Variants in TOX2 observed in about 807,000 individuals in gnomAD.
The protein encoded by TOX2 is TOX high mobility group box family member 2.
A neutral mutation model predicts 47.4 loss-of-function variants in TOX2; 15 were observed. The observed-to-expected ratio is 0.32, with a 90% CI of 0.21 to 0.49. The LOEUF (loss-of-function observed/expected upper bound fraction) is 0.49. TOX2 is among the 20% of genes least tolerant of loss of function. The pLI, the probability that TOX2 is intolerant of heterozygous loss-of-function variation, is 0.99. For missense variants in TOX2, 622 were observed against 673.1 expected, an observed-to-expected ratio of 0.92 and a Z score of 0.84; for synonymous variants, 290 against 296.6, an observed-to-expected ratio of 0.98 and a Z score of 0.23.
At chr20:44,002,947 G>T (rs1302686358) in intron 2 of TOX2, among the ~76,000 whole-genome samples, 2 of 152,160 alleles carry the variant, frequency 1.3e-5, no homozygotes, top group Non-Finnish European at 2.9e-5. Flanking sequence ...TTCAACATGA[G>T]ATTTGGAGGG....
At position 44,026,943 on chromosome 20, in the gene TOX2, G is replaced by A. The variant is rs942541701; in HGVS notation, c.411+20151G>A. 2.0e-5 allele frequency among the ~76,000 whole-genome samples: 3 copies of A among 152,116 alleles called. No homozygotes were observed. The East Asian group carries it at 5.8e-4, about 29-fold the overall frequency. On this transcript the variant is annotated intron_variant, in intron 3 of 8. Coordinates refer to ENST00000341197, the MANE Select transcript of TOX2 (RefSeq NM_001098797.2). ...TCCCCACCTTGGGCATTTCAGTCTC[G>A]GCTTAACCAGCCACTTCAACACAGG...
intron 3 of TOX2, among the ~76,000 whole-genome samples, chr20:44,031,718 G>A (rs896899906): frequency 1.3e-5 from 2 of 152,100 alleles, no homozygotes; most frequent in African/African-American, 2.4e-5. Context: ...AAAATGAAGT[G>A]GGCTCTGAAC....
chr20:43,927,608 C>A (rs1215320400), intron 1 of TOX2, among the ~76,000 whole-genome samples: 1 of 2,952 alleles, frequency 3.4e-4, no homozygotes, highest in Non-Finnish European at 1.0e-3. Flanking sequence ...TTCCTTCCTT[C>A]CTTCCTTCCT....
chr20:43,971,376 G>A (rs547564708), intron 1 of TOX2, among the ~76,000 whole-genome samples: 17 of 152,336 alleles, frequency 1.1e-4, no homozygotes, highest in South Asian at 1.0e-3. Flanking sequence ...AGGGCGCGTC[G>A]AAAATGGTGG....
At chr20:44,060,854 A>G (rs6130512) in intron 5 of TOX2, among the ~76,000 whole-genome samples, 19,702 of 151,964 alleles carry the variant, frequency 0.13, 1,297 homozygotes, top group East Asian at 0.15. Flanking sequence ...CAAGGAACTA[A>G]AGAGAGAGAA....
intron 2 of TOX2, among the ~76,000 whole-genome samples, chr20:43,998,723 C>A (rs1230964845): frequency 6.3e-4 from 84 of 132,634 alleles, no homozygotes; most frequent in African/African-American, 2.3e-3. Flanking sequence ...CCTGATACAT[C>A]TATCTATCTA....
intron 2 of TOX2, among the ~76,000 whole-genome samples, chr20:43,978,763 T>TTGTGTGTGTG (rs9305120): frequency 0.039 from 5,720 of 146,536 alleles, 172 homozygotes; most frequent in Admixed American, 0.097. Flanking sequence ...TTGAAAGAAC[T>TTGTGTGTGTG]TGTGTGTGTG....
At chr20:43,980,767 G>A (rs554552130) in intron 2 of TOX2, among the ~76,000 whole-genome samples, 2 of 152,094 alleles carry the variant, frequency 1.3e-5, no homozygotes, top group Non-Finnish European at 2.9e-5. Context: ...GTGTGGGGAA[G>A]GCATTTCTAC....
intron 1 of TOX2, among the ~76,000 whole-genome samples, chr20:43,943,985 A>G (rs2069433920): frequency 6.6e-6 from 1 of 152,250 alleles, no homozygotes; most frequent in Non-Finnish European, 1.5e-5. Flanking sequence ...TCCTAAGCTT[A>G]TATAAATATT....
At chr20:43,998,784 G>C (rs886314567) in intron 2 of TOX2, among the ~76,000 whole-genome samples, 6 of 151,456 alleles carry the variant, frequency 4.0e-5, no homozygotes, top group Non-Finnish European at 4.4e-5. Flanking sequence ...TTTTAAGATG[G>C]AGTCTCATTC....
intron 1 of TOX2, among the ~76,000 whole-genome samples, chr20:43,935,948 AAAAAG>A (rs2069322546): frequency 2.0e-5 from 3 of 151,512 alleles, no homozygotes; most frequent in Non-Finnish European, 4.4e-5. Context: ...AAAAAAAAAA[AAAAAG>A]AAGCAGAGTG....
intron 1 of TOX2, among the ~76,000 whole-genome samples, chr20:43,966,637 C>A (rs1478261923): frequency 6.6e-6 from 1 of 151,892 alleles, no homozygotes; most frequent in Non-Finnish European, 1.5e-5. Context: ...GCCTGTAATC[C>A]CAGCTACTCA....
intron 1 of TOX2, among the ~76,000 whole-genome samples, chr20:43,946,427 G>T (rs1379068711): frequency 6.6e-6 from 1 of 152,142 alleles, no homozygotes. Context: ...CTTGGGAGGA[G>T]CCCAGAAGAT....
intron 3 of TOX2, among the ~76,000 whole-genome samples, chr20:44,027,295 G>A (rs1451436465): frequency 7.0e-6 from 1 of 143,642 alleles, no homozygotes; most frequent in African/African-American, 2.5e-5. Context: ...AATGTTCAGC[G>A]TTCAGGGGAG....
intron 2 of TOX2, among the ~76,000 whole-genome samples, chr20:43,997,204 T>C (rs2070496655): frequency 6.6e-6 from 1 of 152,184 alleles, no homozygotes; most frequent in African/African-American, 2.4e-5. Flanking sequence ...ATGTAAGCAC[T>C]AACTGGGATA....
chr20:44,025,226 A>G (rs2071041204), intron 3 of TOX2, among the ~76,000 whole-genome samples: 1 of 152,090 alleles, frequency 6.6e-6, no homozygotes, highest in African/African-American at 2.4e-5. Flanking sequence ...AGGCAGACAG[A>G]GAAGTTTCCC....
At chr20:43,925,219 G>A (rs2069151944) in intron 1 of TOX2, among the ~76,000 whole-genome samples, 1 of 152,010 alleles carries the variant, frequency 6.6e-6, no homozygotes, top group African/African-American at 2.4e-5. Context: ...CAAATGCCTG[G>A]TGATTCTCGG....
chr20:44,016,840 C>A (rs187272394), intron 3 of TOX2, among the ~76,000 whole-genome samples: 1 of 152,070 alleles, frequency 6.6e-6, no homozygotes, highest in Non-Finnish European at 1.5e-5. Flanking sequence ...ATGTGAGATG[C>A]GTGCCTCAAC....
intron 3 of TOX2, among the ~76,000 whole-genome samples, chr20:44,027,515 G>C (rs2071084955): frequency 1.3e-5 from 2 of 152,258 alleles, no homozygotes; most frequent in South Asian, 4.1e-4. Context: ...TGGTCTCCCT[G>C]CTTCTGTGTC....
Sources: gnomAD v4.1 joint callset for allele counts (sites outside exome capture counted in the v4.1 genomes callset) on GRCh38, gnomAD v4.1.1 for gene constraint, MANE v1.5 for transcripts, NCBI Gene and HGNC (gene_info 2026-07-23, HGNC 2026-07-21) for gene names.